Variants in TRIM46 observed in about 807,000 individuals in gnomAD.
TRIM46 encodes tripartite motif containing 46, also known as tripartite motif-containing protein 46.
A neutral mutation model predicts 69.7 loss-of-function variants in TRIM46; 17 were observed. The observed-to-expected ratio is 0.24, with a 90% CI of 0.17 to 0.37. The LOEUF (loss-of-function observed/expected upper bound fraction) is 0.37, where lower values mean the gene tolerates loss of function less well. Ranked by LOEUF, TRIM46 falls within the 10% of genes least tolerant of loss-of-function variation. TRIM46 has a pLI of 1.00. For missense variants in TRIM46, 675 were observed against 1,025.1 expected (o/e 0.66, Z 4.66); for synonymous variants, 391 against 429.0 (o/e 0.91, Z 1.09).
chr1:155,182,271 G>A, intron 9 of TRIM46, 122 bp downstream of exon 9: 1 of 1,182,426 alleles, frequency 8.5e-7, no homozygotes, highest in Non-Finnish European at 1.2e-6. Context: ...GGAGGAAGTA[G>A]TAGGAGCCTG....
Position 155,174,945 on chromosome 1 carries a change from G to A in TRIM46, c.64-441G>A, listed in dbSNP as rs1169085816. On this transcript the variant is annotated intron_variant, in intron 1 of 9. Transcript: ENST00000334634. ...GCGAGCAGGATGGAGTGCCAACCTCGCCTGGCTATCGGGAGGAATCACGGC... is the reference window on the plus strand; with the variant it reads ...GCGAGCAGGATGGAGTGCCAACCTCACCTGGCTATCGGGAGGAATCACGGC... 3.6e-6 allele frequency: 5 copies of A among 1,388,184 alleles called. No individual in the cohort carries two copies. In the African/African-American group the frequency reaches 7.4e-5, roughly 21 times the overall value. 86.0% of individuals were successfully genotyped at this position (1,388,184 alleles called of 1,614,324 possible).
intron 3 of TRIM46, 118 bp downstream of exon 3, chr1:155,176,349 C>T (rs944576168): frequency 2.1e-6 from 2 of 934,858 alleles, no homozygotes; most frequent in African/African-American, 3.3e-5. Context: ...TGCTAAGCAC[C>T]TATCTCTGTA....
chr1:155,176,310 T>C (rs1183877724), intron 3 of TRIM46, 79 bp downstream of exon 3: 3 of 1,330,842 alleles, frequency 2.3e-6, no homozygotes, highest in Non-Finnish European at 3.0e-6. Context: ...ATTGTGGGTT[T>C]CCAAAAGGAA....
chr1:155,182,991 A>G (rs1415953931), intron 9 of TRIM46: 2 of 145,682 alleles, frequency 1.4e-5, no homozygotes, highest in Middle Eastern at 3.6e-3. Context: ...GCTCACTGCA[A>G]GCTCCACCTC....
At chr1:155,182,262 G>C (rs1049762051) in intron 9 of TRIM46, 113 bp downstream of exon 9, 6 of 1,218,428 alleles carry the variant, frequency 4.9e-6, no homozygotes, top group Non-Finnish European at 6.8e-6. Context: ...AGGGGATTAG[G>C]AGGAAGTAGT....
Position 155,175,869 on chromosome 1 carries a change from C to A in TRIM46, c.326-19C>A. The A allele has an allele frequency of 6.3e-7, 1 of 1,583,024 alleles. No homozygotes were observed. The highest frequency in any genetic ancestry group is 8.6e-7 in the Non-Finnish European group (1 of 1,164,686). On this transcript the variant is annotated intron_variant, in intron 2 of 9. Coordinates refer to ENST00000334634, the MANE Select transcript of TRIM46 (RefSeq NM_025058.5). This position sits in a 1 kb window ranked among gnomAD's most constrained non-coding sequence, Gnocchi z 4.2. ...CAGCTGTAACTCTCATGTCCTCTAC[C>A]TCCCTGGTTCACCCACAGGCTTTGG...
In TRIM46 at chr1:155,179,703, C is replaced by T; in HGVS notation, c.1357C>T (p.Pro453Ser). The change falls in exon 8 of 10, where the codon CCC becomes TCC. Residue 453 changes from proline (P) to serine (S), a missense_variant. Physicochemically the swap from Pro to Ser is moderately conservative, Grantham distance 74 (BLOSUM62 -1). This residue lies in a region of TRIM46 where 361 missense variants were observed against 498.3 expected (regional missense o/e 0.72). Coordinates refer to ENST00000334634, the MANE Select transcript of TRIM46 (RefSeq NM_025058.5). The part of the protein sequence containing the change: ...YDQIFLCWRL[P>S]PHSPPAWHYT... ...TCAGATCTTCCTGTGCTGGCGGCTG[C>T]CCCCCCATTCACCACCTGCCTGGCA... is the stretch of plus-strand genomic sequence containing the variant. 2 of 1,612,856 alleles carry T rather than the reference C, an allele frequency of 1.2e-6. No homozygotes were observed. Among genetic ancestry groups the T allele is most frequent in the Non-Finnish European group, 1.7e-6 (2 of 1,179,810 alleles).
Position 155,183,781 on chromosome 1 carries a change from A to T in TRIM46, c.1887-16A>T. 30 of 1,598,372 alleles carry T rather than the reference A, an allele frequency of 1.9e-5. No individual in the cohort carries two copies. The highest frequency in any genetic ancestry group is 2.4e-5 in the Non-Finnish European group (28 of 1,179,566). ...CCATCCCTCAACAATCTCGTCCCCA[A>T]CACCCGCTTCTGCAGGTACGACCCG... On this transcript the variant is annotated splice_polypyrimidine_tract_variant and intron_variant, in intron 9 of 9. Transcript: ENST00000334634.
chr1:155,176,205 C>G lies in TRIM46; in HGVS notation c.643C>G (p.Leu215Val). ...GTQKAQHEPTLPTLSFRPKGL... is the reference protein window; with the variant it reads ...GTQKAQHEPTVPTLSFRPKGL... ...CCAGAAGGCCCAGCATGAGCCCACCCTGCCTACCCTCTCCTTCCGACCCAA... is the reference window on the plus strand; with the variant it reads ...CCAGAAGGCCCAGCATGAGCCCACCGTGCCTACCCTCTCCTTCCGACCCAA... The change falls in exon 3 of 10, where the codon CTG becomes GTG. Residue 215 changes from leucine to valine, a missense_variant. Coordinates refer to ENST00000334634, the MANE Select transcript of TRIM46 (RefSeq NM_025058.5). 2 of 1,608,064 alleles carry G rather than the reference C, an allele frequency of 1.2e-6. No individual in the cohort carries two copies. Among genetic ancestry groups the G allele is most frequent in the Non-Finnish European group, 1.7e-6 (2 of 1,179,072 alleles).
rs776209133 is a variant in TRIM46, at chr1:155,173,947, CG to C, written c.-17del. 1 of 1,569,980 alleles carries C rather than the reference CG, an allele frequency of 6.4e-7. No individual in the cohort carries two copies. The highest frequency in any genetic ancestry group is 8.6e-7 in the Non-Finnish European group (1 of 1,158,570). The stretch of plus-strand genomic sequence containing the variant: ...GCAGCCGGGATCGGGCACCCAGGGG[CG>C]GGCGGGCACGGTAGGGCCATGGCAG... On this transcript the variant is annotated 5_prime_UTR_variant, in exon 1 of 10. Transcript: ENST00000334634.
chr1:155,175,320 G>C lies in TRIM46; in HGVS notation c.64-66G>C, dbSNP rs769301710. The C allele has an allele frequency of 6.3e-7, 1 of 1,596,270 alleles. No homozygotes were observed. The highest frequency in any genetic ancestry group is 8.5e-7 in the Non-Finnish European group (1 of 1,174,968). ...CAGACCCCTAGGGTATCCAAGGGCAGCCAAGGGGCTGCTGAGGTATGCCTA... is the reference window on the plus strand; with the variant it reads ...CAGACCCCTAGGGTATCCAAGGGCACCCAAGGGGCTGCTGAGGTATGCCTA... On this transcript the variant is annotated intron_variant, in intron 1 of 9. Transcript: ENST00000334634. This position sits in a 1 kb window ranked among gnomAD's most constrained non-coding sequence, Gnocchi z 4.2.
intron 7 of TRIM46, chr1:155,178,822 C>T (rs1012278649): frequency 1.4e-6 from 2 of 1,479,640 alleles, no homozygotes; most frequent in Admixed American, 2.0e-5. Flanking sequence ...GTGGCCACCG[C>T]GGACTCTGCT....
intron 1 of TRIM46, chr1:155,174,782 G>C: frequency 1.4e-6 from 2 of 1,464,892 alleles, no homozygotes; most frequent in Non-Finnish European, 1.8e-6. Context: ...CCGCTGACCG[G>C]GTTGCGCTGC....
chr1:155,176,451 C>T (rs1416347758), intron 3 of TRIM46, among the ~76,000 whole-genome samples: 1 of 152,180 alleles, frequency 6.6e-6, no homozygotes, highest in African/African-American at 2.4e-5. Context: ...ATCTGCCCTG[C>T]AATGTCCATA....
In TRIM46 at chr1:155,178,571, G is replaced by C. The variant is rs1446672938; in HGVS notation, c.1243G>C (p.Gly415Arg). The C allele has an allele frequency of 6.2e-7, 1 of 1,614,032 alleles. No homozygotes were observed. The highest frequency in any genetic ancestry group is 1.7e-5 in the Admixed American group (1 of 60,026). Reference sequence around the variant, plus strand: ...CTTCCGCCATTGCCAGCTCGACGTGGGACGTGAGATGAAGCTGCTGACAGA... The same window carrying C: ...CTTCCGCCATTGCCAGCTCGACGTGCGACGTGAGATGAAGCTGCTGACAGA... The part of the protein sequence containing the change: ...SSFRHCQLDV[G>R]REMKLLTELN... The change falls in exon 7 of 10, where the codon GGA (glycine) becomes CGA (arginine). Residue 415 changes from glycine to arginine, a missense_variant. Gly to Arg is a moderately radical substitution (Grantham distance 125, BLOSUM62 -2). This residue lies in a region of TRIM46 where 361 missense variants were observed against 498.3 expected (regional missense o/e 0.72). Transcript: ENST00000334634.
intron 6 of TRIM46, 30 bp downstream of exon 6, chr1:155,178,285 C>T (rs769435168): frequency 1.0e-5 from 16 of 1,573,626 alleles, no homozygotes; most frequent in Non-Finnish European, 1.4e-5. Context: ...CCTAGGGGGG[C>T]AGGGACATCA....
intron 3 of TRIM46, 24 bp downstream of exon 3, chr1:155,176,255 G>A (rs749605547): frequency 5.1e-6 from 8 of 1,569,020 alleles, no homozygotes; most frequent in Middle Eastern, 1.7e-4. Flanking sequence ...TCCAAGGCCT[G>A]GGGAGGGAGG....
intron 9 of TRIM46, chr1:155,182,493 A>G (rs1432732873): frequency 8.9e-6 from 4 of 451,488 alleles, no homozygotes; most frequent in Non-Finnish European, 1.6e-5. Flanking sequence ...CATTTCCAAC[A>G]TACCTTCTCC....
intron 7 of TRIM46, 55 bp from the exon 8 acceptor site, chr1:155,179,577 T>G: frequency 6.6e-7 from 1 of 1,517,158 alleles, no homozygotes; most frequent in East Asian, 2.3e-5. Context: ...GCCCCTGCCC[T>G]CCATGCCAGG....
Sources: allele counts gnomAD v4.1 joint callset (sites outside exome capture counted in the v4.1 genomes callset), GRCh38; gene constraint gnomAD v4.1.1; regional missense constraint gnomAD v4.1.1; non-coding constraint Gnocchi (gnomAD v3.1); transcripts MANE v1.5; gene names NCBI Gene and HGNC (gene_info 2026-07-23, HGNC 2026-07-21).